The following LGSN variants were observed in gnomAD, a reference collection of about 807,000 sequenced individuals.
LGSN encodes the protein lengsin, lens protein with glutamine synthetase domain.
In LGSN, 21 loss-of-function variants were observed where a neutral mutation model predicts 19.5. The ratio of observed to expected loss-of-function variants is 1.07; its 90% CI spans 0.76 to 1.55. The LOEUF (loss-of-function observed/expected upper bound fraction) is 1.55, where lower values mean the gene tolerates loss of function less well. Among genes scored for constraint, LGSN ranks in the 40% most tolerant of loss-of-function variants. The probability of loss-of-function intolerance (pLI) is 0.00; values close to 1 mark genes in which losing one functional copy is unlikely to be tolerated. For missense variants in LGSN, 673 were observed against 608.5 expected (o/e 1.11, Z -1.12); for synonymous variants, 257 against 215.6 (o/e 1.19, Z -1.68).
chr6:63,412,462 GAA>G, the LGSN span, among the ~76,000 whole-genome samples: 264 of 108,078 alleles, frequency 2.4e-3, 5 homozygotes, highest in African/African-American at 0.012. Flanking sequence ...AAGAAAGAAA[GAA>G]AAAGAGAGAG....
the LGSN span, among the ~76,000 whole-genome samples, chr6:63,388,783 G>A: frequency 2.6e-3 from 401 of 152,304 alleles, no homozygotes; most frequent in Non-Finnish European, 4.1e-3. Context: ...GGCTTCGAGG[G>A]CCATTTGGAA....
At chr6:63,538,624 G>C in the LGSN span, among the ~76,000 whole-genome samples, 1 of 152,136 alleles carries the variant, frequency 6.6e-6, no homozygotes, top group African/African-American at 2.4e-5. Context: ...AAGAAAAAAA[G>C]AAGTTGAGAT....
At chr6:63,563,637 C>T in the LGSN span, among the ~76,000 whole-genome samples, 2 of 152,172 alleles carry the variant, frequency 1.3e-5, no homozygotes, top group Non-Finnish European at 2.9e-5. Context: ...GGGCAGAAAA[C>T]ATGTTTATGT....
the LGSN span, among the ~76,000 whole-genome samples, chr6:63,349,841 C>T: frequency 1.3e-5 from 2 of 152,132 alleles, no homozygotes; most frequent in Non-Finnish European, 2.9e-5. Context: ...AGACTGAAAT[C>T]AAGGTGTTGG....
At chr6:63,449,989 G>C in the LGSN span, among the ~76,000 whole-genome samples, 1 of 152,104 alleles carries the variant, frequency 6.6e-6, no homozygotes, top group Non-Finnish European at 1.5e-5. Context: ...GTGTGAGAGA[G>C]AGAGTCTGAG....
At chr6:63,482,633 C>G in the LGSN span, among the ~76,000 whole-genome samples, 2 of 152,038 alleles carry the variant, frequency 1.3e-5, no homozygotes, top group Non-Finnish European at 2.9e-5. Context: ...GGAGAAGGCA[C>G]GAGAATTGCT....
chr6:63,436,899 T>C, the LGSN span, among the ~76,000 whole-genome samples: 16,900 of 151,774 alleles, frequency 0.11, 1,956 homozygotes, highest in African/African-American at 0.3. Flanking sequence ...TAGCTGGGCA[T>C]GGTGGTATGC....
chr6:63,537,918 C>G, the LGSN span, among the ~76,000 whole-genome samples: 2 of 152,188 alleles, frequency 1.3e-5, no homozygotes, highest in East Asian at 3.9e-4. Context: ...ACAGGCAGGC[C>G]CAGACAGGAG....
At chr6:63,437,152 AGAGAAGGG>A in the LGSN span, among the ~76,000 whole-genome samples, 1 of 96,120 alleles carries the variant, frequency 1.0e-5, no homozygotes, top group African/African-American at 3.7e-5. Context: ...AAAGAAAGAG[AGAGAAGGG>A]AGGGAGGGAG....
chr6:63,288,131 T>A (rs925935763), intron 2 of LGSN, among the ~76,000 whole-genome samples: 15 of 151,658 alleles, frequency 9.9e-5, no homozygotes, highest in African/African-American at 3.4e-4. Context: ...GGCAGGAGAA[T>A]CTCTTGAGCC....
chr6:63,532,087 C>A, the LGSN span, among the ~76,000 whole-genome samples: 1 of 152,164 alleles, frequency 6.6e-6, no homozygotes, highest in Non-Finnish European at 1.5e-5. Flanking sequence ...GCGTGAGCCA[C>A]CACGCCCGGT....
the LGSN span, among the ~76,000 whole-genome samples, chr6:63,339,212 G>A: frequency 6.6e-6 from 1 of 152,128 alleles, no homozygotes; most frequent in Non-Finnish European, 1.5e-5. Context: ...TGCAGATTAA[G>A]TCTGATGTTT....
the LGSN span, among the ~76,000 whole-genome samples, chr6:63,463,360 G>A: frequency 1.3e-5 from 2 of 152,040 alleles, no homozygotes; most frequent in Non-Finnish European, 2.9e-5. Context: ...GAATACAACT[G>A]AGGCTCCAGT....
the LGSN span, chr6:63,571,912 C>T: frequency 6.6e-6 from 1 of 152,314 alleles, no homozygotes; most frequent in South Asian, 2.1e-4. Context: ...AAGGCCGTGG[C>T]ATGCAAGGTG....
At chr6:63,288,388 G>A (rs1467332212) in intron 2 of LGSN, among the ~76,000 whole-genome samples, 1 of 151,588 alleles carries the variant, frequency 6.6e-6, no homozygotes, top group African/African-American at 2.4e-5. Flanking sequence ...TTTATATTAT[G>A]ATGTGGGGCA....
chr6:63,408,018 G>T, the LGSN span, among the ~76,000 whole-genome samples: 141 of 152,016 alleles, frequency 9.3e-4, no homozygotes, highest in Non-Finnish European at 1.7e-3. Context: ...CACTGCTCAA[G>T]GAAATAAAAG....
the LGSN span, among the ~76,000 whole-genome samples, chr6:63,416,331 T>C: frequency 6.6e-6 from 1 of 152,186 alleles, no homozygotes; most frequent in Non-Finnish European, 1.5e-5. Context: ...TCAGATGGCA[T>C]TGAGGGCCAA....
the LGSN span, chr6:63,441,627 G>A: frequency 1.3e-5 from 6 of 469,012 alleles, no homozygotes; most frequent in Admixed American, 2.5e-5. Flanking sequence ...GAGGAAATGC[G>A]GAAGCGGGAG....
At chr6:63,433,733 A>G in the LGSN span, among the ~76,000 whole-genome samples, 1 of 152,258 alleles carries the variant, frequency 6.6e-6, no homozygotes, top group East Asian at 1.9e-4. Context: ...GCTTAGAATA[A>G]GTGCATATAG....
Sources: allele counts gnomAD v4.1 joint callset (sites outside exome capture counted in the v4.1 genomes callset), GRCh38; gene constraint gnomAD v4.1.1; transcripts MANE v1.5; gene names NCBI Gene and HGNC (gene_info 2026-07-23, HGNC 2026-07-21).